The following SGCD variants were observed in gnomAD, a reference collection of about 807,000 sequenced individuals.
SGCD encodes the protein delta-sarcoglycan.
A neutral mutation model predicts 36.6 loss-of-function variants in SGCD; 18 were observed. The ratio of observed to expected loss-of-function variants is 0.49; its 90% CI spans 0.34 to 0.73. SGCD has a LOEUF of 0.73. Ranked by LOEUF, SGCD falls within the 30% of genes least tolerant of loss-of-function variation. SGCD has a pLI of 0.01. For synonymous variants in SGCD, 133 were observed against 130.6 expected, an observed-to-expected ratio of 1.02 and a Z score of -0.12; for missense variants, 387 against 346.7, an observed-to-expected ratio of 1.12 and a Z score of -0.92.
chr5:156,298,921 G>C (rs1418920357), intron 3 of SGCD, among the ~76,000 whole-genome samples: 4 of 151,808 alleles, frequency 2.6e-5, no homozygotes, highest in Non-Finnish European at 4.4e-5. Flanking sequence ...TGATTGTTTT[G>C]ACATGCAGAG....
intron 4 of SGCD, among the ~76,000 whole-genome samples, chr5:156,538,396 A>AT (rs994419912): frequency 1.3e-5 from 2 of 151,678 alleles, no homozygotes; most frequent in Admixed American, 6.6e-5. Context: ...GTCAAGAATG[A>AT]TTTTTTTTCT....
chr5:156,183,045 C>A (rs994869539), intron 3 of SGCD, among the ~76,000 whole-genome samples: 4 of 151,978 alleles, frequency 2.6e-5, no homozygotes, highest in Admixed American at 2.6e-4. Context: ...ATTGGGAGGC[C>A]GAGGTGGGTG....
At chr5:155,882,602 C>T (rs1209146232) in intron 1 of SGCD, among the ~76,000 whole-genome samples, 1 of 152,204 alleles carries the variant, frequency 6.6e-6, no homozygotes, top group Non-Finnish European at 1.5e-5. Flanking sequence ...TGTACATCCC[C>T]ATCAGAGTTC....
chr5:156,668,620 A>G (rs1753159941), intron 7 of SGCD, among the ~76,000 whole-genome samples: 1 of 152,228 alleles, frequency 6.6e-6, no homozygotes, highest in Non-Finnish European at 1.5e-5. Flanking sequence ...TCTATACATT[A>G]TAGCTCTTCC....
the SGCD span, among the ~76,000 whole-genome samples, chr5:155,865,083 C>CATAAATAG: frequency 2.8e-5 from 4 of 144,056 alleles, no homozygotes; most frequent in Non-Finnish European, 6.1e-5. Context: ...TATACATAGC[C>CATAAATAG]ATAGATAGAT....
At chr5:156,574,244 G>T (rs4382149) in intron 4 of SGCD, among the ~76,000 whole-genome samples, 78,589 of 151,898 alleles carry the variant, frequency 0.52, 21,003 homozygotes, top group African/African-American at 0.64. Flanking sequence ...TCACTACATA[G>T]AAAGCAGAAA....
At chr5:156,252,540 A>G (rs970241799) in intron 3 of SGCD, among the ~76,000 whole-genome samples, 1 of 152,220 alleles carries the variant, frequency 6.6e-6, no homozygotes. Context: ...AGACTAAATT[A>G]TATATGTTGG....
rs114066722 is a variant in SGCD at position 156,330,841 on chromosome 5, G to T, written c.3+1262G>T. ...ATATTGTGAACTGAGCTCAGGGTCT[G>T]CCTCAAACGAAGACTGGGGTCCTGG... On this transcript the variant is annotated intron_variant, in intron 2 of 8. Coordinates refer to ENST00000337851, the MANE Select transcript of SGCD (RefSeq NM_000337.6). 5.0e-3 allele frequency among the ~76,000 whole-genome samples: 758 copies of T among 152,192 alleles called. 3 individuals are homozygous for T. Among genetic ancestry groups the T allele is most frequent in the African/African-American group, 0.016 (667 of 41,552 alleles).
intron 1 of SGCD, among the ~76,000 whole-genome samples, chr5:155,886,904 A>C (rs917811042): frequency 1.8e-4 from 28 of 152,202 alleles, no homozygotes; most frequent in African/African-American, 6.5e-4. Context: ...TCAGAACCAC[A>C]TTGGGCATGC....
intron 3 of SGCD, among the ~76,000 whole-genome samples, chr5:156,228,433 A>G (rs1055954625): frequency 6.6e-6 from 1 of 152,070 alleles, no homozygotes; most frequent in African/African-American, 2.4e-5. Flanking sequence ...ATTTAAAGTG[A>G]TTTTTGTCTA....
At chr5:155,786,043 T>G in the SGCD span, among the ~76,000 whole-genome samples, 1 of 152,204 alleles carries the variant, frequency 6.6e-6, no homozygotes, top group Non-Finnish European at 1.5e-5. Context: ...TTGGAATATG[T>G]GATCATATTT....
Position 156,329,576 on chromosome 5 carries a change from G to A in SGCD, c.-1G>A. 6.2e-7 allele frequency: 1 copy of A among 1,613,310 alleles called. No homozygotes were observed. On this transcript the variant is annotated 5_prime_UTR_variant, in exon 2 of 9. Coordinates refer to ENST00000337851, the MANE Select transcript of SGCD (RefSeq NM_000337.6). ...GTGTTGAGTGAAGGGACCAGGTGGA[G>A]ATGGTGAGTAATTCCCGGGAGCGAA...
At chr5:156,610,209 A>G (rs999710905) in intron 6 of SGCD, among the ~76,000 whole-genome samples, 1 of 152,134 alleles carries the variant, frequency 6.6e-6, no homozygotes, top group African/African-American at 2.4e-5. Context: ...GGTGATGTAC[A>G]GATGGGGTTT....
At chr5:156,452,543 T>C (rs1391207141) in intron 3 of SGCD, among the ~76,000 whole-genome samples, 1 of 152,162 alleles carries the variant, frequency 6.6e-6, no homozygotes, top group Non-Finnish European at 1.5e-5. Flanking sequence ...AAATATTTCT[T>C]CTTAGGTAAC....
chr5:156,699,762 G>A (rs988264999), intron 7 of SGCD, among the ~76,000 whole-genome samples: 2 of 152,174 alleles, frequency 1.3e-5, no homozygotes, highest in Admixed American at 6.5e-5. Context: ...TGAAAGGTGA[G>A]ACAGCACCAG....
intron 7 of SGCD, among the ~76,000 whole-genome samples, chr5:156,740,803 G>A (rs947844309): frequency 3.3e-5 from 5 of 152,190 alleles, no homozygotes; most frequent in Non-Finnish European, 4.4e-5. Context: ...TGTGGGTTGT[G>A]ACCCACGTTT....
chr5:156,418,023 G>T (rs1773132514), intron 3 of SGCD, among the ~76,000 whole-genome samples: 1 of 152,092 alleles, frequency 6.6e-6, no homozygotes. Flanking sequence ...AACCATAAAA[G>T]GTATCTACAA....
intron 3 of SGCD, among the ~76,000 whole-genome samples, chr5:156,205,690 TACTTCTACCTAAATGA>T (rs1183944588): frequency 6.6e-6 from 1 of 152,066 alleles, no homozygotes; most frequent in Non-Finnish European, 1.5e-5. Context: ...ACAGGATAGT[TACTTCTACCTAAATGA>T]AATACAGCAA....
In SGCD at chr5:156,764,469, T is replaced by C. The variant is rs1757551929; in HGVS notation, c.*5079T>C. 6.6e-6 allele frequency: 1 copy of C among 152,662 alleles called. No individual in the cohort carries two copies. The highest frequency in any genetic ancestry group is 1.5e-5 in the Non-Finnish European group (1 of 68,048). The allele number at this position is 152,662 out of a possible 1,614,324, so 9.5% of individuals were successfully genotyped here. ...GCACTTTCAAAAGCAATGTGATTTC[T>C]ATGGTTCTTAAAAGCTTTCTTCATA... is the stretch of plus-strand genomic sequence containing the variant. On this transcript the variant is annotated 3_prime_UTR_variant, in exon 9 of 9. Transcript: ENST00000337851.
Sources: gnomAD v4.1 joint callset for allele counts (sites outside exome capture counted in the v4.1 genomes callset) on GRCh38, gnomAD v4.1.1 for gene constraint, MANE v1.5 for transcripts, NCBI Gene and HGNC (gene_info 2026-07-23, HGNC 2026-07-21) for gene names.